The following CHN1 variants were observed in gnomAD, a reference collection of about 807,000 sequenced individuals.
CHN1 encodes chimerin 1, also known as N-chimaerin.
In CHN1, 37 loss-of-function variants were observed where a neutral mutation model predicts 59.5. The observed-to-expected ratio is 0.62, with a 90% confidence interval of 0.48 to 0.82. The LOEUF (loss-of-function observed/expected upper bound fraction) is 0.82, where lower values mean the gene tolerates loss of function less well. Among genes scored for constraint, CHN1 ranks in the 40% least tolerant of loss-of-function variants. The probability of loss-of-function intolerance (pLI) is 0.00; values close to 1 mark genes in which losing one functional copy is unlikely to be tolerated. For synonymous variants in CHN1, 206 were observed against 200.4 expected (o/e 1.03, Z -0.24); for missense variants, 469 against 571.0 (o/e 0.82, Z 1.82).
At chr2:174,996,715 T>C (rs762340772) in intron 1 of CHN1, among the ~76,000 whole-genome samples, 3 of 152,090 alleles carry the variant, frequency 2.0e-5, no homozygotes, top group African/African-American at 4.8e-5. Flanking sequence ...CCATGGGAGA[T>C]ACACCCCAGT....
chr2:174,826,103 C>G (rs906619385), intron 7 of CHN1, among the ~76,000 whole-genome samples: 1 of 151,316 alleles, frequency 6.6e-6, no homozygotes, highest in Non-Finnish European at 1.5e-5. Context: ...AGTCTGAGTA[C>G]AAAATTTTAT....
chr2:174,900,012 G>A (rs1345338218), intron 5 of CHN1, among the ~76,000 whole-genome samples: 5 of 152,076 alleles, frequency 3.3e-5, no homozygotes. Flanking sequence ...AATATCACCA[G>A]GACAGGGATA....
chr2:174,975,922 T>C (rs1283482490), intron 1 of CHN1, among the ~76,000 whole-genome samples: 3 of 150,876 alleles, frequency 2.0e-5, no homozygotes, highest in Admixed American at 1.3e-4. Context: ...GAGATCGAGA[T>C]CATCCTGGCT....
chr2:174,991,918 T>A (rs1691558508), intron 1 of CHN1, among the ~76,000 whole-genome samples: 1 of 152,176 alleles, frequency 6.6e-6, no homozygotes. Context: ...GAAAAAGAAA[T>A]GAATCTTACT....
intron 3 of CHN1, among the ~76,000 whole-genome samples, chr2:174,936,571 A>C (rs1002061680): frequency 4.6e-5 from 7 of 152,134 alleles, no homozygotes; most frequent in African/African-American, 1.7e-4. Context: ...TGAAATAACA[A>C]ACAAAACCAT....
chr2:174,868,661 C>A (rs1413411711), intron 6 of CHN1, among the ~76,000 whole-genome samples: 1 of 152,190 alleles, frequency 6.6e-6, no homozygotes, highest in Non-Finnish European at 1.5e-5. Context: ...ATAATCATTT[C>A]TCCAGGAATT....
chr2:174,993,579 C>A (rs1298103385), intron 1 of CHN1, among the ~76,000 whole-genome samples: 2 of 145,968 alleles, frequency 1.4e-5, no homozygotes, highest in Non-Finnish European at 3.0e-5. Flanking sequence ...GGGAGGAGCA[C>A]CAAAAAAACA....
intron 5 of CHN1, among the ~76,000 whole-genome samples, chr2:174,908,288 A>G (rs1688597513): frequency 6.6e-6 from 1 of 152,230 alleles, no homozygotes; most frequent in African/African-American, 2.4e-5. Flanking sequence ...CCATAGTCAA[A>G]GAAAAACTGC....
chr2:174,937,268 C>T (rs1487753674), intron 3 of CHN1, among the ~76,000 whole-genome samples: 4 of 152,192 alleles, frequency 2.6e-5, no homozygotes, highest in African/African-American at 7.2e-5. Context: ...GTCACACACA[C>T]ATGGCTAGTC....
chr2:174,895,239 C>CA (rs1688185396), intron 5 of CHN1, among the ~76,000 whole-genome samples: 1 of 149,632 alleles, frequency 6.7e-6, no homozygotes, highest in African/African-American at 2.5e-5. Flanking sequence ...CACACACACA[C>CA]AATGGAGTAT....
In CHN1 at chr2:174,974,218, G is replaced by C. The variant is rs561376748; in HGVS notation, c.20-22016C>G. Reference sequence around the variant, plus strand: ...AGAGTCTTCTTTTAACTCCAGACTTGATGTGGATTTCTAATAAGCAATATT... The same window carrying C: ...AGAGTCTTCTTTTAACTCCAGACTTCATGTGGATTTCTAATAAGCAATATT... On this transcript the variant is annotated intron_variant, in intron 1 of 12. Coordinates refer to ENST00000409900, the MANE Select transcript of CHN1 (RefSeq NM_001822.7). Among the ~76,000 whole-genome samples the C allele has an allele frequency of 7.9e-5, 12 of 152,278 alleles. 1 individual carries two copies. In the South Asian group the frequency reaches 2.1e-3, roughly 26 times the overall value.
At chr2:174,959,176 C>A (rs1398615470) in intron 1 of CHN1, among the ~76,000 whole-genome samples, 1 of 152,156 alleles carries the variant, frequency 6.6e-6, no homozygotes, top group African/African-American at 2.4e-5. Flanking sequence ...ACTGGCATAA[C>A]CTCTCTGGAG....
At chr2:175,004,463 G>A (rs1414240849) in intron 1 of CHN1, among the ~76,000 whole-genome samples, 1 of 152,136 alleles carries the variant, frequency 6.6e-6, no homozygotes, top group Non-Finnish European at 1.5e-5. Flanking sequence ...TAGTCCAACA[G>A]GAAGCAACAC....
At chr2:174,995,728 T>TG (rs1463670429) in intron 1 of CHN1, among the ~76,000 whole-genome samples, 3 of 152,124 alleles carry the variant, frequency 2.0e-5, no homozygotes, top group Non-Finnish European at 4.4e-5. Context: ...GTCCATGGCT[T>TG]GGGGGTTGGG....
At chr2:174,829,098 C>T (rs1321311511) in intron 7 of CHN1, among the ~76,000 whole-genome samples, 2 of 152,092 alleles carry the variant, frequency 1.3e-5, no homozygotes, top group Admixed American at 6.5e-5. Context: ...AAGGGCAAAA[C>T]GAACTAGTTT....
chr2:174,962,663 CGGGGGGG>C (rs539001023), intron 1 of CHN1, among the ~76,000 whole-genome samples: 449 of 18,054 alleles, frequency 0.025, 90 homozygotes, highest in African/African-American at 0.048. Flanking sequence ...TTGGAAGGCC[CGGGGGGG>C]GGGGGGGGGG....
intron 1 of CHN1, among the ~76,000 whole-genome samples, chr2:174,994,084 G>A (rs994394693): frequency 6.6e-6 from 1 of 152,162 alleles, no homozygotes; most frequent in Non-Finnish European, 1.5e-5. Flanking sequence ...GCTAATTTAT[G>A]TACAATCCCT....
chr2:174,869,708 G>C (rs1309500025), intron 6 of CHN1, among the ~76,000 whole-genome samples: 1 of 152,118 alleles, frequency 6.6e-6, no homozygotes, highest in African/African-American at 2.4e-5. Flanking sequence ...ATGGAGACAT[G>C]GGCTCATTTG....
chr2:174,809,275 T>C (rs1055626068), intron 10 of CHN1, among the ~76,000 whole-genome samples: 2 of 152,182 alleles, frequency 1.3e-5, no homozygotes, highest in African/African-American at 4.8e-5. Context: ...CCCCAGTTAT[T>C]AATATTTTCC....
Sources: allele counts gnomAD v4.1 joint callset (sites outside exome capture counted in the v4.1 genomes callset), GRCh38; gene constraint gnomAD v4.1.1; transcripts MANE v1.5; gene names NCBI Gene and HGNC (gene_info 2026-07-23, HGNC 2026-07-21).